Variants in TCF7 observed in about 807,000 individuals in gnomAD.
TCF7 encodes transcription factor 7.
A neutral mutation model predicts 46.8 loss-of-function variants in TCF7; 19 were observed. That is an observed-to-expected ratio of 0.41 (90% CI 0.28 to 0.60). The LOEUF (loss-of-function observed/expected upper bound fraction) is 0.60, where lower values mean the gene tolerates loss of function less well. Ranked by LOEUF, TCF7 falls within the 20% of genes least tolerant of loss-of-function variation. The pLI is 0.35. For synonymous variants in TCF7, 245 were observed against 213.4 expected, an observed-to-expected ratio of 1.15 and a Z score of -1.29; for missense variants, 547 against 504.6, an observed-to-expected ratio of 1.08 and a Z score of -0.81.
intron 3 of TCF7, among the ~76,000 whole-genome samples, chr5:134,124,317 G>GCCTGCTTCTGCTGCTGCACACAAGCTGT (rs1339163774): frequency 1.3e-5 from 2 of 152,190 alleles, no homozygotes; most frequent in African/African-American, 4.8e-5. Flanking sequence ...AAAATGTGTG[G>GCCTGCTTCTGCTGCTGCACACAAGCTGT]CCTGCTTCTG....
At chr5:134,136,592 T>G (rs906309132) in intron 3 of TCF7, among the ~76,000 whole-genome samples, 11 of 152,160 alleles carry the variant, frequency 7.2e-5, no homozygotes, top group Non-Finnish European at 1.6e-4. Flanking sequence ...CTTCATGTCT[T>G]GGCTACAGCA....
At chr5:134,143,346 G>T in intron 8 of TCF7, 1 of 776,136 alleles carries the variant, frequency 1.3e-6, no homozygotes, top group Non-Finnish European at 2.3e-6. Context: ...ATGGGCAGAA[G>T]GGGAGAAAGG....
At chr5:134,127,956 T>C (rs1018274832) in intron 3 of TCF7, among the ~76,000 whole-genome samples, 7 of 152,228 alleles carry the variant, frequency 4.6e-5, no homozygotes, top group Non-Finnish European at 8.8e-5. Context: ...ACCACAAATA[T>C]TAGTTCATCT....
chr5:134,146,536 C>G lies in TCF7; in HGVS notation c.*233C>G, dbSNP rs186040173. 529 of 720,362 alleles carry G rather than the reference C, an allele frequency of 7.3e-4. 1 individual carries two copies. In the African/African-American group the frequency reaches 8.3e-3, roughly 11 times the overall value. The allele number at this position is 720,362 out of a possible 1,614,324, so 44.6% of individuals were successfully genotyped here. ...AGGTGGCCTAGCAGGCACAGGACAC[C>G]TGGCCGCCTCCAGGAGCCTACCCCC... is the stretch of plus-strand genomic sequence containing the variant. On this transcript the variant is annotated 3_prime_UTR_variant, in exon 10 of 10. Transcript: ENST00000342854.
chr5:134,143,891 C>T, intron 9 of TCF7: 1 of 495,332 alleles, frequency 2.0e-6, no homozygotes, highest in Non-Finnish European at 3.6e-6. Flanking sequence ...GTGCGTTCCT[C>T]TGCCTTGCAC....
At chr5:134,112,751 G>T (rs1755346215), upstream of TCF7, among the ~76,000 whole-genome samples, 1 of 152,176 alleles carries the variant, frequency 6.6e-6, no homozygotes, top group Non-Finnish European at 1.5e-5. Flanking sequence ...CTTGATTAAA[G>T]GCTAATACGA....
At chr5:134,139,098 C>T in intron 5 of TCF7, 60 bp downstream of exon 5, 1 of 1,590,020 alleles carries the variant, frequency 6.3e-7, no homozygotes, top group South Asian at 1.1e-5. Flanking sequence ...GACCTGCCTG[C>T]CCTTCCATTT....
intron 3 of TCF7, among the ~76,000 whole-genome samples, chr5:134,136,959 T>C (rs993821951): frequency 6.6e-5 from 10 of 152,188 alleles, no homozygotes; most frequent in African/African-American, 2.4e-4. Flanking sequence ...AAGTTGAACC[T>C]TGGTTGCAGA....
chr5:134,122,223 G>C lies in TCF7; in HGVS notation c.441+6190G>C, dbSNP rs77911648. On this transcript the variant is annotated intron_variant, in intron 3 of 9. Transcript: ENST00000342854. ...AGGCTTCCTGCCCCACCCTGTCCTG[G>C]GGTCAGGGAGGGATGGCCGGGAATT... 1.1e-4 allele frequency among the ~76,000 whole-genome samples: 16 copies of C among 152,228 alleles called. No homozygotes were observed. In the East Asian group the frequency reaches 3.1e-3, roughly 30 times the overall value.
intron 3 of TCF7, among the ~76,000 whole-genome samples, chr5:134,127,221 G>A (rs1403973101): frequency 1.3e-5 from 2 of 152,160 alleles, no homozygotes; most frequent in Non-Finnish European, 1.5e-5. Flanking sequence ...CCCTCTCCAG[G>A]GGCACCTCAT....
chr5:134,143,304 A>C (rs1409634233), intron 8 of TCF7: 2 of 762,636 alleles, frequency 2.6e-6, no homozygotes, highest in Middle Eastern at 2.3e-4. Context: ...ATGCTCACAC[A>C]TGAGCTGTTA....
chr5:134,145,726 C>T (rs963282777), intron 9 of TCF7: 3 of 1,613,564 alleles, frequency 1.9e-6, no homozygotes, highest in African/African-American at 2.7e-5. Flanking sequence ...AGTTCTATTC[C>T]ATTCATTCCA....
intron 9 of TCF7, chr5:134,144,868 A>C: frequency 1.2e-6 from 2 of 1,614,020 alleles, no homozygotes; most frequent in Non-Finnish European, 1.7e-6. Context: ...TGGTCCGTGC[A>C]GGTGGGTTTG....
chr5:134,127,726 C>T (rs1757528416), intron 3 of TCF7, among the ~76,000 whole-genome samples: 1 of 152,224 alleles, frequency 6.6e-6, no homozygotes, highest in Admixed American at 6.5e-5. Flanking sequence ...GCTGCCCCGC[C>T]GCCTCCCATC....
intron 2 of TCF7, chr5:134,115,661 C>G (rs1755708247): frequency 7.0e-7 from 1 of 1,431,932 alleles, no homozygotes; most frequent in Middle Eastern, 2.6e-4. Flanking sequence ...CTTCAGGAGA[C>G]AGAATTGGCC....
At chr5:134,118,472 CTGCCCATGTGTGGGTAGGA>C (rs1475599422) in intron 3 of TCF7, among the ~76,000 whole-genome samples, 4 of 152,224 alleles carry the variant, frequency 2.6e-5, no homozygotes, top group Non-Finnish European at 4.4e-5. Context: ...GGGACCTGCT[CTGCCCATGTGTGGGTAGGA>C]TGCCCATGTG....
At chr5:134,136,613 C>A (rs73790175) in intron 3 of TCF7, among the ~76,000 whole-genome samples, 5,146 of 152,212 alleles carry the variant, frequency 0.034, 242 homozygotes, top group African/African-American at 0.11. Context: ...GGGCTTATAC[C>A]CAGCCTTCCA....
chr5:134,124,922 T>G (rs1757138538), intron 3 of TCF7, among the ~76,000 whole-genome samples: 1 of 152,166 alleles, frequency 6.6e-6, no homozygotes, highest in Non-Finnish European at 1.5e-5. Flanking sequence ...AAACCCAGTT[T>G]TCCCATGAGG....
upstream of TCF7, among the ~76,000 whole-genome samples, chr5:134,113,098 C>A (rs1004748675): frequency 6.6e-6 from 1 of 152,208 alleles, no homozygotes; most frequent in Non-Finnish European, 1.5e-5. Context: ...CTGTACCTCT[C>A]CCCTCCGGGC....
Sources: allele counts gnomAD v4.1 joint callset (sites outside exome capture counted in the v4.1 genomes callset), GRCh38; gene constraint gnomAD v4.1.1; transcripts MANE v1.5; gene names NCBI Gene and HGNC (gene_info 2026-07-23, HGNC 2026-07-21).